Variants in RAD54L2 observed in about 807,000 individuals in gnomAD.
RAD54L2 encodes helicase ARIP4.
RAD54L2 carries 27 observed loss-of-function variants against 138.4 expected under a neutral mutation model. The observed-to-expected ratio is 0.20, with a 90% confidence interval of 0.14 to 0.27. The LOEUF is 0.27. Ranked by LOEUF, RAD54L2 falls within the 10% of genes least tolerant of loss-of-function variation. The probability of loss-of-function intolerance (pLI) is 1.00; values close to 1 mark genes in which losing one functional copy is unlikely to be tolerated. For missense variants in RAD54L2, 1,396 were observed against 1,890.2 expected (o/e 0.74, Z 4.85); for synonymous variants, 644 against 723.2 (o/e 0.89, Z 1.76).
At chr3:51,644,083 G>A (rs1447331210) in intron 16 of RAD54L2, 109 bp downstream of exon 16, 2 of 833,070 alleles carry the variant, frequency 2.4e-6, no homozygotes, top group Non-Finnish European at 3.7e-6. Flanking sequence ...GCTCAGGTTT[G>A]TAACTTGTTT....
chr3:51,571,967 T>C (rs1699347124), intron 2 of RAD54L2, among the ~76,000 whole-genome samples: 1 of 152,208 alleles, frequency 6.6e-6, no homozygotes, highest in Non-Finnish European at 1.5e-5. Flanking sequence ...AGTATTAGTT[T>C]AAAAGAAGCC....
intron 3 of RAD54L2, among the ~76,000 whole-genome samples, chr3:51,601,362 C>T (rs1377285552): frequency 1.4e-5 from 2 of 146,882 alleles, no homozygotes; most frequent in African/African-American, 5.1e-5. Flanking sequence ...GGCTGGAGTG[C>T]AATAGCGTGA....
At chr3:51,619,399 T>C (rs1354114262) in intron 3 of RAD54L2, among the ~76,000 whole-genome samples, 2 of 152,198 alleles carry the variant, frequency 1.3e-5, no homozygotes, top group African/African-American at 4.8e-5. Context: ...ACAAAAGGTC[T>C]CATAGGCCTG....
At chr3:51,661,806 G>T (rs1182960624) in intron 22 of RAD54L2, among the ~76,000 whole-genome samples, 1 of 151,976 alleles carries the variant, frequency 6.6e-6, no homozygotes, top group Admixed American at 6.6e-5. Context: ...TCTATTATTT[G>T]AGTCATTCGT....
At chr3:51,611,540 C>T (rs1189622825) in intron 3 of RAD54L2, 1 of 151,548 alleles carries the variant, frequency 6.6e-6, no homozygotes, top group Non-Finnish European at 1.5e-5. Context: ...GGAGTGTTAA[C>T]CTTTTCTCCT....
chr3:51,625,295 G>A (rs527980197), intron 3 of RAD54L2, among the ~76,000 whole-genome samples: 1 of 152,282 alleles, frequency 6.6e-6, no homozygotes. Flanking sequence ...GCACGTGCCT[G>A]TAATCCCAGC....
At position 51,657,625 on chromosome 3, in the gene RAD54L2, G is replaced by C; in HGVS notation, c.3272G>C (p.Arg1091Thr). 2 of 1,585,464 alleles carry C rather than the reference G, an allele frequency of 1.3e-6. No individual in the cohort carries two copies. The highest frequency in any genetic ancestry group is 1.2e-5 in the South Asian group (1 of 86,774). Residue 1091 changes from arginine (R) to threonine (T), a missense_variant, in exon 21 of 23, where the codon AGA becomes ACA. This residue lies in a region of RAD54L2 where 634 missense variants were observed against 711.2 expected (regional missense o/e 0.89). Coordinates refer to ENST00000684192, the MANE Select transcript of RAD54L2 (RefSeq NM_015106.4). ...AACAGCTCCACAGATGTACAGGCAA[G>C]AATTAATGCTGGTGAGAGCATCCAC... ...GLNSSTDVQA[R>T]INAGESIHII...
At chr3:51,639,259 G>T in intron 12 of RAD54L2, 160 bp from the exon 13 acceptor site, 1 of 762,624 alleles carries the variant, frequency 1.3e-6, no homozygotes, top group Non-Finnish European at 2.1e-6. Flanking sequence ...AAACAAATAT[G>T]CAGGCCCTTT....
At chr3:51,567,584 A>G (rs1699245124) in intron 2 of RAD54L2, among the ~76,000 whole-genome samples, 1 of 152,196 alleles carries the variant, frequency 6.6e-6, no homozygotes, top group Admixed American at 6.6e-5. Context: ...GGTGTATTTC[A>G]TAGTTATTGA....
Position 51,629,345 on chromosome 3 carries a change from G to A in RAD54L2, c.353G>A (p.Arg118Gln), listed in dbSNP as rs1204822444. 8 of 1,590,076 alleles carry A rather than the reference G, an allele frequency of 5.0e-6. No homozygotes were observed. Among genetic ancestry groups the A allele is most frequent in the East Asian group, 2.3e-5 (1 of 43,974 alleles). Residue 118 changes from arginine (R) to glutamine (Q), a missense_variant, in exon 5 of 23, where the codon CGG (arginine) becomes CAG (glutamine). Physicochemically the swap from Arg to Gln is conservative, Grantham distance 43. Coordinates refer to ENST00000684192, the MANE Select transcript of RAD54L2 (RefSeq NM_015106.4). The stretch of plus-strand genomic sequence containing the variant: ...ATGTGAATGTTTAGAAAGCTACTCC[G>A]GGAGGATCAATTGGAGCCTGTTACC... ...HMRRNIRKLL[R>Q]EDQLEPVTKA...
chr3:51,663,557 A>G lies in RAD54L2; in HGVS notation c.*137A>G, dbSNP rs992046249. The G allele has an allele frequency of 1.4e-5, 10 of 704,134 alleles. No homozygotes were observed. The highest frequency in any genetic ancestry group is 2.1e-5 in the Non-Finnish European group (10 of 471,200). The allele number at this position is 704,134 out of a possible 1,614,324, so 43.6% of individuals were successfully genotyped here. ...AGAGGACAAAGGAGGGTGGTTGGCC[A>G]AAGTGGCAGAGCTCTGTTGCTGTTT... On this transcript the variant is annotated 3_prime_UTR_variant, in exon 23 of 23. Coordinates refer to ENST00000684192, the MANE Select transcript of RAD54L2 (RefSeq NM_015106.4).
chr3:51,628,151 G>C (rs1208618838), intron 4 of RAD54L2, among the ~76,000 whole-genome samples: 2 of 152,164 alleles, frequency 1.3e-5, no homozygotes, highest in Admixed American at 6.5e-5. Flanking sequence ...GTAGAGGACT[G>C]TCTGACCCAA....
intron 3 of RAD54L2, among the ~76,000 whole-genome samples, chr3:51,600,923 C>T (rs1413077773): frequency 6.6e-6 from 1 of 151,886 alleles, no homozygotes; most frequent in South Asian, 2.1e-4. Flanking sequence ...GCCAAGATCA[C>T]GCCACTGTAC....
rs531268849 is a variant in RAD54L2 at position 51,554,123 on chromosome 3, T to C, written c.-55+12473T>C. Among the ~76,000 whole-genome samples the C allele has an allele frequency of 5.3e-5, 8 of 152,130 alleles. No homozygotes were observed. The East Asian group carries it at 1.5e-3, about 29-fold the overall frequency. On this transcript the variant is annotated intron_variant, in intron 2 of 22. Transcript: ENST00000684192. The stretch of plus-strand genomic sequence containing the variant: ...TTGCTGCATCGATCAACTTTTCCTA[T>C]CACAAAAGAGATCTCTGTAGGCTGG...
Position 51,663,069 on chromosome 3 carries a change from C to G in RAD54L2, c.4053C>G (p.Gly1351=). The change falls in exon 23 of 23, where the codon GGC becomes GGG. Residue 1351 remains glycine, a synonymous_variant. Transcript: ENST00000684192. ...CTACTGACCCTCTGGTGCCAGCAGG[C>G]CCCGTCAGTTCCTCTTCCACGGCTA... ...PVTTDPLVPA[G]PVSSSSTATS... The G allele has an allele frequency of 6.2e-7, 1 of 1,613,988 alleles. No homozygotes were observed.
chr3:51,558,751 A>G (rs866869360), intron 2 of RAD54L2, among the ~76,000 whole-genome samples: 10 of 150,842 alleles, frequency 6.6e-5, no homozygotes, highest in Admixed American at 2.0e-4. Context: ...GATTACAAGC[A>G]TGAGGCACCA....
intron 15 of RAD54L2, among the ~76,000 whole-genome samples, chr3:51,642,417 C>T (rs750833417): frequency 2.7e-5 from 4 of 145,802 alleles, no homozygotes; most frequent in Non-Finnish European, 5.9e-5. Context: ...AACAGATATA[C>T]AGTTTATCTG....
intron 19 of RAD54L2, among the ~76,000 whole-genome samples, chr3:51,650,653 C>T (rs952339327): frequency 2.0e-5 from 3 of 152,240 alleles, no homozygotes; most frequent in African/African-American, 7.2e-5. Context: ...CACACAACTA[C>T]ATGAAAACTG....
intron 21 of RAD54L2, among the ~76,000 whole-genome samples, chr3:51,657,998 C>T (rs978627514): frequency 1.5e-5 from 2 of 137,366 alleles, no homozygotes; most frequent in African/African-American, 5.4e-5. Context: ...GATCTCGGCT[C>T]ACTGCAACCT....
Sources: gnomAD v4.1 joint callset for allele counts (sites outside exome capture counted in the v4.1 genomes callset) on GRCh38, gnomAD v4.1.1 for gene constraint, gnomAD v4.1.1 regional missense constraint, MANE v1.5 for transcripts, NCBI Gene and HGNC (gene_info 2026-07-23, HGNC 2026-07-21) for gene names.